The following CNTNAP2 variants were observed in gnomAD, a reference collection of about 807,000 sequenced individuals.
The protein encoded by CNTNAP2 is contactin associated protein 2.
CNTNAP2 carries 98 observed loss-of-function variants against 155.2 expected under a neutral mutation model. The observed-to-expected ratio is 0.63, with a 90% CI of 0.54 to 0.75. The LOEUF (loss-of-function observed/expected upper bound fraction) is 0.75. Ranked by LOEUF, CNTNAP2 falls within the 30% of genes least tolerant of loss-of-function variation. CNTNAP2 has a pLI of 0.00. For missense variants in CNTNAP2, 1,727 were observed against 1,688.1 expected (o/e 1.02, Z -0.40); for synonymous variants, 651 against 631.2 (o/e 1.03, Z -0.47).
intron 15 of CNTNAP2, among the ~76,000 whole-genome samples, chr7:148,082,753 A>G (rs925068779): frequency 6.6e-6 from 1 of 152,048 alleles, no homozygotes; most frequent in African/African-American, 2.4e-5. Context: ...ATCTCAGCTT[A>G]TTGCAACCTC....
chr7:147,598,711 A>G (rs777927332), intron 12 of CNTNAP2, among the ~76,000 whole-genome samples: 7 of 152,090 alleles, frequency 4.6e-5, no homozygotes, highest in Non-Finnish European at 1.0e-4. Flanking sequence ...CCCAAATCTC[A>G]TCTTGAATTG....
intron 21 of CNTNAP2, among the ~76,000 whole-genome samples, chr7:148,365,349 T>G (rs2116626043): frequency 6.6e-6 from 1 of 152,316 alleles, no homozygotes; most frequent in East Asian, 1.9e-4. Context: ...TTTCACTTAT[T>G]AATTCAGTCA....
intron 1 of CNTNAP2, among the ~76,000 whole-genome samples, chr7:146,345,367 G>T (rs992735615): frequency 6.6e-6 from 1 of 152,142 alleles, no homozygotes; most frequent in African/African-American, 2.4e-5. Context: ...GCATGTTAGG[G>T]TCCTTTGGGT....
At chr7:146,673,238 T>C (rs539671774) in intron 1 of CNTNAP2, among the ~76,000 whole-genome samples, 18 of 152,216 alleles carry the variant, frequency 1.2e-4, no homozygotes, top group Non-Finnish European at 2.1e-4. Flanking sequence ...ACATTTCCTG[T>C]AATTTGTAAG....
intron 19 of CNTNAP2, among the ~76,000 whole-genome samples, chr7:148,224,443 G>T (rs189605906): frequency 1.3e-5 from 2 of 152,180 alleles, no homozygotes; most frequent in Non-Finnish European, 2.9e-5. Flanking sequence ...AGAGAAGTTC[G>T]TGGTAGTTTG....
At chr7:147,340,185 A>C (rs1419109598) in intron 9 of CNTNAP2, among the ~76,000 whole-genome samples, 1 of 152,170 alleles carries the variant, frequency 6.6e-6, no homozygotes, top group East Asian at 1.9e-4. Context: ...TTATGTTTGA[A>C]TATCATGTAT....
intron 21 of CNTNAP2, among the ~76,000 whole-genome samples, chr7:148,275,790 C>G (rs1052604686): frequency 6.6e-6 from 1 of 152,170 alleles, no homozygotes; most frequent in African/African-American, 2.4e-5. Flanking sequence ...TCTCTAAGAG[C>G]CACCATTCTT....
intron 12 of CNTNAP2, among the ~76,000 whole-genome samples, chr7:147,607,567 C>A (rs1213152270): frequency 1.3e-5 from 2 of 152,152 alleles, no homozygotes; most frequent in African/African-American, 4.8e-5. Context: ...GCAGTGCCCC[C>A]AAGGATGTAA....
At chr7:146,587,563 A>C (rs945877563) in intron 1 of CNTNAP2, among the ~76,000 whole-genome samples, 1 of 152,176 alleles carries the variant, frequency 6.6e-6, no homozygotes, top group Non-Finnish European at 1.5e-5. Context: ...GAATACCACC[A>C]CAAACACACA....
intron 1 of CNTNAP2, among the ~76,000 whole-genome samples, chr7:146,680,205 G>A (rs1027014238): frequency 2.8e-4 from 42 of 152,062 alleles, no homozygotes; most frequent in African/African-American, 6.0e-4. Flanking sequence ...AGGGCAGTTC[G>A]TTTGTGAGCA....
intron 13 of CNTNAP2, among the ~76,000 whole-genome samples, chr7:147,692,341 T>C (rs907663118): frequency 1.1e-4 from 17 of 152,096 alleles, no homozygotes; most frequent in Non-Finnish European, 2.2e-4. Context: ...TGTGTGAACA[T>C]AAGTTTTCAC....
intron 21 of CNTNAP2, among the ~76,000 whole-genome samples, chr7:148,291,742 A>G (rs1163817286): frequency 2.0e-5 from 3 of 152,208 alleles, no homozygotes; most frequent in African/African-American, 7.2e-5. Context: ...AAATAGTTTC[A>G]TTTAGCCATT....
At chr7:146,567,784 G>T (rs1282832557) in intron 1 of CNTNAP2, among the ~76,000 whole-genome samples, 1 of 151,934 alleles carries the variant, frequency 6.6e-6, no homozygotes, top group Non-Finnish European at 1.5e-5. Flanking sequence ...GCAGTGGCGC[G>T]ATCTCGGCTC....
intron 13 of CNTNAP2, among the ~76,000 whole-genome samples, chr7:147,742,985 A>C (rs1796978364): frequency 6.6e-6 from 1 of 152,238 alleles, no homozygotes; most frequent in South Asian, 2.1e-4. Flanking sequence ...TGAGAATTTC[A>C]GTTTCATCAC....
At chr7:148,133,672 T>C (rs1585143767) in intron 16 of CNTNAP2, 1 of 152,026 alleles carries the variant, frequency 6.6e-6, no homozygotes, top group African/African-American at 2.4e-5. Context: ...TTCCTTGCCC[T>C]CCTCCCTTTG....
At chr7:146,798,624 C>T (rs951455239) in intron 2 of CNTNAP2, among the ~76,000 whole-genome samples, 3 of 152,150 alleles carry the variant, frequency 2.0e-5, no homozygotes, top group African/African-American at 7.2e-5. Context: ...TGATTCCAGG[C>T]ATGAGCCACT....
At chr7:147,291,140 AT>A (rs1057322144) in intron 8 of CNTNAP2, among the ~76,000 whole-genome samples, 1 of 151,714 alleles carries the variant, frequency 6.6e-6, no homozygotes, top group Non-Finnish European at 1.5e-5. Context: ...TATCAGCTTG[AT>A]TTTTTTATTC....
chr7:146,912,533 AC>A (rs1235283196), intron 3 of CNTNAP2, among the ~76,000 whole-genome samples: 2 of 152,170 alleles, frequency 1.3e-5, no homozygotes, highest in South Asian at 2.1e-4. Context: ...ATCTTTTGGT[AC>A]TATACATCAA....
intron 9 of CNTNAP2, among the ~76,000 whole-genome samples, chr7:147,302,031 C>G (rs1387016395): frequency 1.3e-5 from 2 of 152,098 alleles, no homozygotes; most frequent in African/African-American, 2.4e-5. Context: ...TTAAAAGACT[C>G]TCAATAAATA....
Sources: allele counts gnomAD v4.1 joint callset (sites outside exome capture counted in the v4.1 genomes callset), GRCh38; gene constraint gnomAD v4.1.1; transcripts MANE v1.5; gene names NCBI Gene and HGNC (gene_info 2026-07-23, HGNC 2026-07-21).